ZP3: variants seen among roughly 807,000 people sequenced by gnomAD.
ZP3 encodes zona pellucida glycoprotein 3.
Under a neutral mutation model 35.6 loss-of-function variants are expected in ZP3, and 21 were observed. That is an observed-to-expected ratio of 0.59 (90% CI 0.42 to 0.85). ZP3 has a LOEUF of 0.85. Ranked by LOEUF, ZP3 falls within the 40% of genes least tolerant of loss-of-function variation. The pLI, the probability that ZP3 is intolerant of heterozygous loss-of-function variation, is 0.00. For missense variants in ZP3, 437 were observed against 536.5 expected, an observed-to-expected ratio of 0.81 and a Z score of 1.83; for synonymous variants, 207 against 214.5, an observed-to-expected ratio of 0.96 and a Z score of 0.31.
At chr7:76,407,259 C>A (rs1248239084) in intron 1 of ZP3, among the ~76,000 whole-genome samples, 1 of 152,188 alleles carries the variant, frequency 6.6e-6, no homozygotes, top group African/African-American at 2.4e-5. Context: ...CCAGGCTTGG[C>A]CCTGATTTAA....
chr7:76,398,000 T>C (rs1354486317), intron 1 of ZP3, among the ~76,000 whole-genome samples: 1 of 152,078 alleles, frequency 6.6e-6, no homozygotes, highest in Non-Finnish European at 1.5e-5. Context: ...TGTGGGATCA[T>C]AGTATCATTT....
chr7:76,433,748 G>A (rs1358394555), intron 4 of ZP3, 101 bp downstream of exon 4: 38 of 1,307,094 alleles, frequency 2.9e-5, no homozygotes, highest in Non-Finnish European at 4.0e-5. Context: ...ACCCAGGCTG[G>A]AATACAGAGG....
At chr7:76,427,962 C>T (rs1563698416) in intron 1 of ZP3, among the ~76,000 whole-genome samples, 2 of 152,112 alleles carry the variant, frequency 1.3e-5, no homozygotes, top group Non-Finnish European at 2.9e-5. Flanking sequence ...GCATGAGCCA[C>T]TGCACCCAGC....
At chr7:76,429,420 C>G in intron 1 of ZP3, 95 bp from the exon 2 acceptor site, 1 of 1,174,548 alleles carries the variant, frequency 8.5e-7, no homozygotes, top group Non-Finnish European at 1.3e-6. Flanking sequence ...TCTTTCTGTC[C>G]CCTTGTGGGC....
At chr7:76,428,725 A>C (rs1328351580) in intron 1 of ZP3, 1 of 152,548 alleles carries the variant, frequency 6.6e-6, no homozygotes, top group Non-Finnish European at 1.5e-5. Context: ...CTTGTTGCCC[A>C]GGCTAGAATG....
intron 5 of ZP3, among the ~76,000 whole-genome samples, chr7:76,434,977 G>A (rs1349453434): frequency 6.6e-6 from 1 of 152,192 alleles, no homozygotes; most frequent in Admixed American, 6.5e-5. Flanking sequence ...CTGCCTAATG[G>A]CTGAGGTGGG....
rs1804696316 is a variant in ZP3, at chr7:76,397,975, A to G, written c.-67+178A>G. 1.8e-5 allele frequency: 15 copies of G among 840,594 alleles called. No homozygotes were observed. The South Asian group carries it at 2.4e-4, about 14-fold the overall frequency. The allele number at this position is 840,594 out of a possible 1,614,324, so 52.1% of individuals were successfully genotyped here. A position where few individuals can be genotyped will look rare whatever the true frequency, so the allele number is the denominator to read the frequency against. On this transcript the variant is annotated intron_variant, in intron 1 of 8. Transcript: ENST00000336517. ...GCCCAGGGTACCGCCTCCTTGGTCC[A>G]GACTGGGGGTAGCTTGTGGGATCAT... is the stretch of plus-strand genomic sequence containing the variant.
intron 5 of ZP3, among the ~76,000 whole-genome samples, chr7:76,437,490 T>C (rs1263873572): frequency 6.6e-6 from 1 of 150,708 alleles, no homozygotes; most frequent in Non-Finnish European, 1.5e-5. Flanking sequence ...TTTTTTTTGT[T>C]TTTTTTTGGG....
At chr7:76,435,175 T>C (rs1359736183) in intron 5 of ZP3, among the ~76,000 whole-genome samples, 1 of 152,104 alleles carries the variant, frequency 6.6e-6, no homozygotes, top group African/African-American at 2.4e-5. Flanking sequence ...TGAAACCCCC[T>C]CTACTAAAAA....
At chr7:76,424,235 T>TAGATTGTGGTG (rs1489110185), upstream of ZP3, among the ~76,000 whole-genome samples, 8 of 152,140 alleles carry the variant, frequency 5.3e-5, no homozygotes, top group African/African-American at 1.7e-4. Flanking sequence ...CAGCAGGGGA[T>TAGATTGTGGTG]CGGAGGGAAG....
At chr7:76,434,479 C>CA (rs1004496577) in intron 5 of ZP3, among the ~76,000 whole-genome samples, 2 of 147,680 alleles carry the variant, frequency 1.4e-5, no homozygotes, top group Admixed American at 6.9e-5. Flanking sequence ...ACTAAATATA[C>CA]AAAAAAAATT....
Position 76,405,335 on chromosome 7 carries a change from C to CTTTCTTTT in ZP3, c.-67+7542_-67+7549dup, listed in dbSNP as rs1804981032. 6.9e-5 allele frequency among the ~76,000 whole-genome samples: 2 copies of CTTTCTTTT among 29,160 alleles called. 1 individual carries two copies. The highest frequency in any genetic ancestry group is 1.2e-4 in the Non-Finnish European group (2 of 16,364). 19.1% of individuals were successfully genotyped at this position (29,160 alleles called of 152,430 possible). ...TATATATGTATTTTTTTCTTTCTTT[C>CTTTCTTTT]TTTCTTTTTTTTTTTTTTTTTTTTT... On this transcript the variant is annotated intron_variant, in intron 1 of 8. Transcript: ENST00000336517.
chr7:76,404,219 C>A, intron 1 of ZP3: 1 of 1,443,320 alleles, frequency 6.9e-7, no homozygotes. Flanking sequence ...CGAGCTCATT[C>A]ACAACCCTCC....
chr7:76,416,785 C>T (rs1312351576), intron 1 of ZP3, among the ~76,000 whole-genome samples: 1 of 149,852 alleles, frequency 6.7e-6, no homozygotes, highest in East Asian at 1.9e-4. Context: ...GGAAACAGAG[C>T]AGGATGCTGT....
intron 5 of ZP3, among the ~76,000 whole-genome samples, chr7:76,436,147 G>C (rs1487736599): frequency 7.6e-6 from 1 of 131,192 alleles, no homozygotes; most frequent in Non-Finnish European, 1.6e-5. Flanking sequence ...CACCTCCCAG[G>C]CTCAAGCGAT....
chr7:76,430,521 G>A (rs3789834), intron 2 of ZP3, among the ~76,000 whole-genome samples: 27,656 of 152,050 alleles, frequency 0.18, 2,940 homozygotes, highest in South Asian at 0.29. Context: ...AGCTCACGAG[G>A]TAAGGAGTTC....
intron 5 of ZP3, among the ~76,000 whole-genome samples, chr7:76,436,730 G>T (rs570269291): frequency 3.9e-5 from 6 of 152,250 alleles, no homozygotes; most frequent in Non-Finnish European, 8.8e-5. Flanking sequence ...ATCAGTGACC[G>T]ATAGCTCCTT....
chr7:76,398,304 T>C (rs563064143), intron 1 of ZP3, among the ~76,000 whole-genome samples: 1 of 144,282 alleles, frequency 6.9e-6, no homozygotes, highest in South Asian at 2.3e-4. Context: ...GCCCATTCAT[T>C]TTCTATTTTT....
intron 1 of ZP3, among the ~76,000 whole-genome samples, chr7:76,407,476 C>T (rs1429759604): frequency 2.0e-5 from 3 of 151,988 alleles, no homozygotes; most frequent in East Asian, 1.9e-4. Flanking sequence ...GGATTACAGG[C>T]GGGTATCACC....
Sources: gnomAD v4.1 joint callset for allele counts (sites outside exome capture counted in the v4.1 genomes callset) on GRCh38, gnomAD v4.1.1 for gene constraint, MANE v1.5 for transcripts, NCBI Gene and HGNC (gene_info 2026-07-23, HGNC 2026-07-21) for gene names.